B3GALT1: variants seen among roughly 807,000 people sequenced by gnomAD.
B3GALT1 encodes UDP-Gal:betaGlcNAc beta 1,3-galactosyltransferase, polypeptide 1.
Under a neutral mutation model 23.2 loss-of-function variants are expected in B3GALT1, and 10 were observed. The observed-to-expected ratio is 0.43, with a 90% CI of 0.27 to 0.73. B3GALT1 has a LOEUF of 0.73. Ranked by LOEUF, B3GALT1 falls within the 30% of genes least tolerant of loss-of-function variation. The pLI, the probability that B3GALT1 is intolerant of heterozygous loss-of-function variation, is 0.21. For synonymous variants in B3GALT1, 156 were observed against 141.5 expected (o/e 1.10, Z -0.73); for missense variants, 299 against 405.4 (o/e 0.74, Z 2.25).
intron 2 of B3GALT1, among the ~76,000 whole-genome samples, chr2:167,512,564 ATATGTATATATATATGTATATATATATG>A (rs1700026938): frequency 1.1e-5 from 1 of 90,000 alleles, no homozygotes; most frequent in Non-Finnish European, 1.9e-5. Context: ...ATGTATATAT[ATATGTATATATATATGTATATATATATG>A]TGTATATATA....
At chr2:167,385,238 A>C (rs1439044981) in intron 1 of B3GALT1, among the ~76,000 whole-genome samples, 1 of 151,912 alleles carries the variant, frequency 6.6e-6, no homozygotes, top group Non-Finnish European at 1.5e-5. Flanking sequence ...TCTTCCACCT[A>C]CTCTGTTTGT....
chr2:167,399,792 G>A (rs1173325490), intron 1 of B3GALT1, among the ~76,000 whole-genome samples: 1 of 151,870 alleles, frequency 6.6e-6, no homozygotes, highest in East Asian at 1.9e-4. Context: ...CTTCTGTGTT[G>A]GAGACACTAT....
intron 3 of B3GALT1, among the ~76,000 whole-genome samples, chr2:167,727,726 A>G (rs951275675): frequency 2.6e-5 from 4 of 152,178 alleles, no homozygotes; most frequent in African/African-American, 9.7e-5. Flanking sequence ...TTTTCCTCAT[A>G]ACAGGCTCTT....
intron 1 of B3GALT1, among the ~76,000 whole-genome samples, chr2:167,393,126 T>C (rs927738244): frequency 3.3e-5 from 5 of 151,270 alleles, no homozygotes; most frequent in African/African-American, 1.2e-4. Context: ...CCCAGCTGCT[T>C]GGGAGGCTGA....
chr2:167,308,864 T>C (rs1292838358), intron 1 of B3GALT1, among the ~76,000 whole-genome samples: 3 of 151,980 alleles, frequency 2.0e-5, no homozygotes, highest in Admixed American at 1.3e-4. Flanking sequence ...ACCAAAAATA[T>C]CTAAAACAAT....
intron 3 of B3GALT1, among the ~76,000 whole-genome samples, chr2:167,813,111 C>G (rs56380563): frequency 0.025 from 3,811 of 151,890 alleles, 74 homozygotes; most frequent in South Asian, 0.068. Flanking sequence ...ATCCCTAGCC[C>G]CTAGTAGAAT....
At chr2:167,571,715 A>G (rs988266546) in intron 2 of B3GALT1, among the ~76,000 whole-genome samples, 1 of 151,888 alleles carries the variant, frequency 6.6e-6, no homozygotes, top group Non-Finnish European at 1.5e-5. Context: ...AGTAAGCCAT[A>G]AGAATTATAG....
At chr2:167,682,487 A>G (rs1422597517) in intron 3 of B3GALT1, among the ~76,000 whole-genome samples, 1 of 152,188 alleles carries the variant, frequency 6.6e-6, no homozygotes, top group Non-Finnish European at 1.5e-5. Flanking sequence ...GGTTTAACCT[A>G]TTATCCCCCT....
intron 1 of B3GALT1, among the ~76,000 whole-genome samples, chr2:167,340,022 A>G (rs2105246822): frequency 6.6e-6 from 1 of 152,310 alleles, no homozygotes; most frequent in Non-Finnish European, 1.5e-5. Flanking sequence ...CAACTCTGAC[A>G]TTTCATGGAT....
chr2:167,497,259 G>C lies in B3GALT1; in HGVS notation c.-410+6982G>C, dbSNP rs199625975. 2.8e-5 allele frequency among the ~76,000 whole-genome samples: 4 copies of C among 144,890 alleles called. No individual in the cohort carries two copies. The South Asian group carries it at 6.5e-4, about 24-fold the overall frequency. ...TGAGGGGGGATGGGCAACGGTTACA[G>C]TATTAAATATGATGGTTAGAAGAGT... On this transcript the variant is annotated intron_variant, in intron 2 of 4. Transcript: ENST00000392690.
At chr2:167,753,514 T>G (rs1687771610) in intron 3 of B3GALT1, among the ~76,000 whole-genome samples, 1 of 152,096 alleles carries the variant, frequency 6.6e-6, no homozygotes, top group African/African-American at 2.4e-5. Context: ...TTGTGAAGCT[T>G]TTTTCATTTC....
At chr2:167,320,424 A>G (rs1170517579) in intron 1 of B3GALT1, among the ~76,000 whole-genome samples, 2 of 151,972 alleles carry the variant, frequency 1.3e-5, no homozygotes, top group Non-Finnish European at 2.9e-5. Context: ...TCCAGACCTC[A>G]GGTGATCTGC....
At chr2:167,663,128 G>T (rs1260368067) in intron 3 of B3GALT1, among the ~76,000 whole-genome samples, 1 of 104,054 alleles carries the variant, frequency 9.6e-6, no homozygotes, top group Non-Finnish European at 1.8e-5. Context: ...CCCCACAACA[G>T]TCCCAAGAGT....
At chr2:167,564,547 C>T (rs1280832181) in intron 2 of B3GALT1, among the ~76,000 whole-genome samples, 7 of 152,186 alleles carry the variant, frequency 4.6e-5, no homozygotes, top group South Asian at 2.1e-4. Context: ...GCCGAGACCA[C>T]GCCACTGCAC....
intron 1 of B3GALT1, among the ~76,000 whole-genome samples, chr2:167,374,810 A>G (rs997235182): frequency 1.3e-5 from 2 of 152,018 alleles, no homozygotes; most frequent in African/African-American, 4.8e-5. Context: ...TACTCTATTG[A>G]TAGTTTCTTT....
chr2:167,509,810 A>G (rs1471171639), intron 2 of B3GALT1, among the ~76,000 whole-genome samples: 1 of 151,972 alleles, frequency 6.6e-6, no homozygotes, highest in Non-Finnish European at 1.5e-5. Flanking sequence ...GCTTCAACTC[A>G]GAGAGATGGG....
intron 1 of B3GALT1, among the ~76,000 whole-genome samples, chr2:167,425,355 G>T (rs993570523): frequency 1.3e-5 from 2 of 152,072 alleles, no homozygotes; most frequent in African/African-American, 4.8e-5. Flanking sequence ...ATAATGCAGT[G>T]GCAAGCGACA....
At chr2:167,327,672 G>T (rs1461413046) in intron 1 of B3GALT1, among the ~76,000 whole-genome samples, 1 of 150,664 alleles carries the variant, frequency 6.6e-6, no homozygotes, top group Non-Finnish European at 1.5e-5. Context: ...TGCAAAGAAG[G>T]ACAGTTTGAC....
At chr2:167,850,087 A>G (rs1689847815) in intron 4 of B3GALT1, among the ~76,000 whole-genome samples, 1 of 152,226 alleles carries the variant, frequency 6.6e-6, no homozygotes, top group African/African-American at 2.4e-5. Flanking sequence ...CAAAAGAAAC[A>G]GTCAGCAGAG....
Sources: gnomAD v4.1 joint callset for allele counts (sites outside exome capture counted in the v4.1 genomes callset) on GRCh38, gnomAD v4.1.1 for gene constraint, MANE v1.5 for transcripts, NCBI Gene and HGNC (gene_info 2026-07-23, HGNC 2026-07-21) for gene names.